Variants in TRABD2B observed in about 807,000 individuals in gnomAD.
TRABD2B encodes TraB domain containing 2B.
A neutral mutation model predicts 40.1 loss-of-function variants in TRABD2B; 14 were observed. The ratio of observed to expected loss-of-function variants is 0.35; its 90% CI spans 0.23 to 0.55. TRABD2B has a LOEUF of 0.55. Among genes scored for constraint, TRABD2B ranks in the 20% least tolerant of loss-of-function variants. The probability of loss-of-function intolerance (pLI) is 0.90; values close to 1 mark genes in which losing one functional copy is unlikely to be tolerated. For missense variants in TRABD2B, 541 were observed against 648.6 expected (o/e 0.83, Z 1.80); for synonymous variants, 263 against 277.0 (o/e 0.95, Z 0.50).
chr1:47,940,393 T>C (rs1645170143), intron 2 of TRABD2B, among the ~76,000 whole-genome samples: 1 of 152,130 alleles, frequency 6.6e-6, no homozygotes, highest in South Asian at 2.1e-4. Context: ...ATGATGGAAT[T>C]TGTTGGGGTG....
At chr1:47,892,131 G>T (rs201565870) in intron 2 of TRABD2B, among the ~76,000 whole-genome samples, 4 of 152,232 alleles carry the variant, frequency 2.6e-5, no homozygotes, top group Non-Finnish European at 5.9e-5. Flanking sequence ...CTTATTACAC[G>T]CAATTGTGGT....
intron 2 of TRABD2B, among the ~76,000 whole-genome samples, chr1:47,973,978 C>T (rs1645718643): frequency 6.6e-6 from 1 of 151,980 alleles, no homozygotes; most frequent in South Asian, 2.1e-4. Flanking sequence ...GTGGAATGTG[C>T]CTGCAGTCTC....
intron 2 of TRABD2B, among the ~76,000 whole-genome samples, chr1:47,899,825 A>T (rs1016243636): frequency 1.3e-5 from 2 of 152,112 alleles, no homozygotes; most frequent in Admixed American, 1.3e-4. Context: ...TTGTTGCCCC[A>T]GCTGCTGTCA....
chr1:47,977,096 A>G (rs1645767356), intron 2 of TRABD2B, among the ~76,000 whole-genome samples: 1 of 148,248 alleles, frequency 6.7e-6, no homozygotes, highest in South Asian at 2.1e-4. Context: ...CCCGCGAGAC[A>G]GAGTCTTGCT....
chr1:47,863,372 T>TTATATATATATATA lies in TRABD2B; in HGVS notation c.667-61767_667-61754dup, dbSNP rs201881656. Among the ~76,000 whole-genome samples the TTATATATATATATA allele has an allele frequency of 3.4e-3, 227 of 66,474 alleles. 10 individuals carry two copies. Among genetic ancestry groups the TTATATATATATATA allele is most frequent in the Admixed American group, 0.012 (79 of 6,324 alleles). The allele number at this position is 66,474 out of a possible 152,430, so 43.6% of individuals were successfully genotyped here. A position where few individuals can be genotyped will look rare whatever the true frequency, so the allele number is the denominator to read the frequency against. On this transcript the variant is annotated intron_variant, in intron 2 of 6. Transcript: ENST00000606738. The stretch of plus-strand genomic sequence containing the variant: ...ATAATTGGATATATCCTATATAATT[T>TTATATATATATATA]TATATATATATATATATATATAATC...
At position 47,807,944 on chromosome 1, in the gene TRABD2B, A is replaced by G. The variant is rs555490560; in HGVS notation, c.667-6325T>C. On this transcript the variant is annotated intron_variant, in intron 2 of 6. Transcript: ENST00000606738. Reference sequence around the variant, plus strand: ...AGATGTGTATGGGAGCCCAACTGAGAAGGGGTGAACTTGTGATGGTTAATT... The same window carrying G: ...AGATGTGTATGGGAGCCCAACTGAGGAGGGGTGAACTTGTGATGGTTAATT... Among the ~76,000 whole-genome samples the G allele has an allele frequency of 8.2e-4, 125 of 152,272 alleles. 2 individuals carry two copies. In the South Asian group the frequency reaches 0.018, roughly 22 times the overall value.
rs544241031 is a variant in TRABD2B, at chr1:47,893,692, T to G, written c.667-92073A>C. 9.9e-5 allele frequency among the ~76,000 whole-genome samples: 15 copies of G among 152,282 alleles called. 1 individual carries two copies. In the South Asian group the frequency reaches 3.1e-3, roughly 32 times the overall value. On this transcript the variant is annotated intron_variant, in intron 2 of 6. Transcript: ENST00000606738. ...ACAGGGAAGTTGCCAAACATGCTGT[T>G]GTTGATTAAATGCACAGTCGCTACC...
intron 2 of TRABD2B, among the ~76,000 whole-genome samples, chr1:47,899,316 C>G (rs749728244): frequency 6.6e-6 from 1 of 152,234 alleles, no homozygotes; most frequent in Non-Finnish European, 1.5e-5. Context: ...CTCTAAGGTG[C>G]TCATGCACAC....
At chr1:47,821,494 G>A (rs1466999675) in intron 2 of TRABD2B, among the ~76,000 whole-genome samples, 6 of 152,326 alleles carry the variant, frequency 3.9e-5, no homozygotes, top group Middle Eastern at 3.4e-3. Context: ...GGACTGGAAG[G>A]AACCCGATTG....
chr1:47,915,191 A>G lies in TRABD2B; in HGVS notation c.666+78843T>C, dbSNP rs1453125254. Reference sequence around the variant, plus strand: ...GATTAGGTCGAGGCATTCTGGGCAGATGGAACATCATGCACAAAAGCAGGG... The same window carrying G: ...GATTAGGTCGAGGCATTCTGGGCAGGTGGAACATCATGCACAAAAGCAGGG... On this transcript the variant is annotated intron_variant, in intron 2 of 6. Transcript: ENST00000606738. 2.0e-5 allele frequency among the ~76,000 whole-genome samples: 3 copies of G among 152,226 alleles called. No individual in the cohort carries two copies. In the East Asian group the frequency reaches 5.8e-4, roughly 29 times the overall value.
At chr1:47,872,874 G>A (rs1406275684) in intron 2 of TRABD2B, among the ~76,000 whole-genome samples, 2 of 152,114 alleles carry the variant, frequency 1.3e-5, no homozygotes, top group Non-Finnish European at 2.9e-5. Flanking sequence ...AGACAATGAT[G>A]TCTCCTATCT....
chr1:47,892,158 G>A (rs985279074), intron 2 of TRABD2B, among the ~76,000 whole-genome samples: 3 of 152,244 alleles, frequency 2.0e-5, no homozygotes, highest in African/African-American at 7.2e-5. Flanking sequence ...TGAGGCCATG[G>A]TGCTGAACAG....
intron 2 of TRABD2B, among the ~76,000 whole-genome samples, chr1:47,973,670 C>G (rs11581957): frequency 0.025 from 3,733 of 152,306 alleles, 116 homozygotes; most frequent in Admixed American, 0.089. Flanking sequence ...CCACACCTAC[C>G]TCACTCCTCC....
At chr1:47,799,006 G>A (rs1644784573) in intron 3 of TRABD2B, among the ~76,000 whole-genome samples, 1 of 152,108 alleles carries the variant, frequency 6.6e-6, no homozygotes, top group African/African-American at 2.4e-5. Context: ...AATCCAGGTG[G>A]CCCAATCCAC....
At chr1:47,960,942 C>G (rs7536205) in intron 2 of TRABD2B, among the ~76,000 whole-genome samples, 1 of 150,734 alleles carries the variant, frequency 6.6e-6, no homozygotes, top group Admixed American at 6.6e-5. Flanking sequence ...GGAGGCATCA[C>G]ACTACCTGAC....
In TRABD2B at chr1:47,984,518, G is replaced by A. The variant is rs187021064; in HGVS notation, c.666+9516C>T. ...AAGCCTCCCGGGGGAGCGCCAAGGT[G>A]AACTGGAGGTGGAGGGACACCAGCA... is the stretch of plus-strand genomic sequence containing the variant. On this transcript the variant is annotated intron_variant, in intron 2 of 6. Transcript: ENST00000606738. 3.3e-5 allele frequency among the ~76,000 whole-genome samples: 5 copies of A among 152,344 alleles called. No homozygotes were observed. In the East Asian group the frequency reaches 9.7e-4, roughly 29 times the overall value.
chr1:47,870,105 T>A (rs1443842473), intron 2 of TRABD2B, among the ~76,000 whole-genome samples: 1 of 152,148 alleles, frequency 6.6e-6, no homozygotes, highest in African/African-American at 2.4e-5. Flanking sequence ...AGCTAAAGAT[T>A]TAAAATTTCA....
chr1:47,822,640 C>T (rs1446061424), intron 2 of TRABD2B, among the ~76,000 whole-genome samples: 1 of 152,196 alleles, frequency 6.6e-6, no homozygotes, highest in Non-Finnish European at 1.5e-5. Flanking sequence ...ACATACTATG[C>T]TTTTCATTTG....
intron 2 of TRABD2B, among the ~76,000 whole-genome samples, chr1:47,945,539 T>A (rs1342290886): frequency 2.0e-5 from 3 of 152,208 alleles, no homozygotes; most frequent in Admixed American, 6.5e-5. Flanking sequence ...TATAAAACAG[T>A]TCCAACACTC....
Sources: gnomAD v4.1 joint callset for allele counts (sites outside exome capture counted in the v4.1 genomes callset) on GRCh38, gnomAD v4.1.1 for gene constraint, MANE v1.5 for transcripts, NCBI Gene and HGNC (gene_info 2026-07-23, HGNC 2026-07-21) for gene names.